RTN1: variants seen among roughly 807,000 people sequenced by gnomAD.
RTN1 encodes reticulon 1.
RTN1 carries 25 observed loss-of-function variants against 65.5 expected under a neutral mutation model. That is an observed-to-expected ratio of 0.38 (90% CI 0.28 to 0.53). The LOEUF is 0.53. Among genes scored for constraint, RTN1 ranks in the 20% least tolerant of loss-of-function variants. The probability of loss-of-function intolerance (pLI) is 0.79; values close to 1 mark genes in which losing one functional copy is unlikely to be tolerated. For missense variants in RTN1, 983 were observed against 1,025.4 expected (o/e 0.96, Z 0.57); for synonymous variants, 471 against 447.6 (o/e 1.05, Z -0.66).
intron 3 of RTN1, among the ~76,000 whole-genome samples, chr14:59,608,858 T>C (rs989215144): frequency 4.6e-5 from 7 of 152,158 alleles, no homozygotes; most frequent in African/African-American, 1.7e-4. Context: ...GATCTTTTTT[T>C]TCTCTTTTGA....
chr14:59,625,462 T>C (rs1430496745), intron 3 of RTN1, among the ~76,000 whole-genome samples: 1 of 152,198 alleles, frequency 6.6e-6, no homozygotes, highest in Non-Finnish European at 1.5e-5. Flanking sequence ...GAAAAGCTCA[T>C]ATAGTAAAGA....
At chr14:59,791,710 C>A (rs1232178763) in intron 1 of RTN1, among the ~76,000 whole-genome samples, 1 of 152,194 alleles carries the variant, frequency 6.6e-6, no homozygotes, top group Non-Finnish European at 1.5e-5. Context: ...ACCTCCATCA[C>A]TCACTCTACT....
intron 3 of RTN1, among the ~76,000 whole-genome samples, chr14:59,680,749 T>C (rs940734228): frequency 1.3e-5 from 2 of 152,134 alleles, no homozygotes; most frequent in African/African-American, 4.8e-5. Context: ...ACAAAGATAC[T>C]CAATGGAGTG....
At chr14:59,640,378 G>A (rs906447040) in intron 3 of RTN1, among the ~76,000 whole-genome samples, 21 of 152,108 alleles carry the variant, frequency 1.4e-4, no homozygotes, top group African/African-American at 4.1e-4. Context: ...GTGCAGTGGC[G>A]TGATCTCAGC....
intron 3 of RTN1, among the ~76,000 whole-genome samples, chr14:59,668,632 A>C (rs61025808): frequency 0.018 from 2,712 of 152,326 alleles, 71 homozygotes; most frequent in African/African-American, 0.061. Flanking sequence ...GAGCTTCTGC[A>C]CGACAAAAGA....
At chr14:59,718,501 T>C (rs1050289224) in intron 3 of RTN1, among the ~76,000 whole-genome samples, 1 of 152,312 alleles carries the variant, frequency 6.6e-6, no homozygotes, top group South Asian at 2.1e-4. Context: ...AATAACCAAC[T>C]TGCTTGACCA....
intron 3 of RTN1, among the ~76,000 whole-genome samples, chr14:59,632,366 G>A (rs1196855794): frequency 6.6e-6 from 1 of 151,956 alleles, no homozygotes; most frequent in African/African-American, 2.4e-5. Flanking sequence ...TGGGAATTCT[G>A]TCAGTTAAAT....
chr14:59,648,141 G>A (rs1294623071), intron 3 of RTN1, among the ~76,000 whole-genome samples: 2 of 152,116 alleles, frequency 1.3e-5, no homozygotes, highest in African/African-American at 4.8e-5. Context: ...AACTATTACA[G>A]ACTATTATGA....
chr14:59,783,483 A>G (rs1042659769), intron 1 of RTN1, among the ~76,000 whole-genome samples: 1 of 152,186 alleles, frequency 6.6e-6, no homozygotes, highest in Non-Finnish European at 1.5e-5. Flanking sequence ...TGGGAGACAG[A>G]AAGAGTAGGT....
rs1005961547 is a variant in RTN1 at position 59,766,966 on chromosome 14, C to T, written c.242-20485G>A. ...ATGTGGTAGGTACTTATTCTAGTTT[C>T]TGGGGATTTAACAATGAATGAAACA... is the stretch of plus-strand genomic sequence containing the variant. On this transcript the variant is annotated intron_variant, in intron 1 of 8. Transcript: ENST00000267484. This position sits in a 1 kb window ranked among gnomAD's most constrained non-coding sequence, Gnocchi z 4.4. Among the ~76,000 whole-genome samples, 14 of 152,158 alleles carry T rather than the reference C, an allele frequency of 9.2e-5. No homozygotes were observed. Among genetic ancestry groups the T allele is most frequent in the African/African-American group, 2.7e-4 (11 of 41,448 alleles).
intron 3 of RTN1, chr14:59,630,759 A>G: frequency 2.8e-6 from 3 of 1,078,724 alleles, no homozygotes; most frequent in Non-Finnish European, 3.4e-6. Flanking sequence ...GCTCCACGCG[A>G]CAGCGTTGGC....
rs906752706 is a variant in RTN1 at position 59,789,798 on chromosome 14, A to G, written c.242-43317T>C. On this transcript the variant is annotated intron_variant, in intron 1 of 8. Coordinates refer to ENST00000267484, the MANE Select transcript of RTN1 (RefSeq NM_021136.3). ...GCTAACAAAACTAGGAACAATCTAA[A>G]TATCTACATATAATGTAATAAAATA... Among the ~76,000 whole-genome samples the G allele has an allele frequency of 9.9e-5, 15 of 152,240 alleles. 1 individual carries two copies. The highest frequency in any genetic ancestry group is 6.5e-4 in the Admixed American group (10 of 15,292).
intron 1 of RTN1, among the ~76,000 whole-genome samples, chr14:59,793,933 A>G (rs1351624775): frequency 6.6e-6 from 1 of 152,144 alleles, no homozygotes; most frequent in Non-Finnish European, 1.5e-5. Context: ...CCTGTAACAC[A>G]TAAGGCCCCA....
At chr14:59,698,159 G>T (rs546723899) in intron 3 of RTN1, among the ~76,000 whole-genome samples, 1 of 152,282 alleles carries the variant, frequency 6.6e-6, no homozygotes. Flanking sequence ...TGGAAAGTCA[G>T]TTTGGAAGGT....
chr14:59,863,611 C>T (rs983669271), intron 1 of RTN1, among the ~76,000 whole-genome samples: 2 of 152,172 alleles, frequency 1.3e-5, no homozygotes, highest in African/African-American at 4.8e-5. Context: ...TGTCAACACT[C>T]ACTCCCTTGG....
chr14:59,751,902 G>T (rs981448567), intron 1 of RTN1, among the ~76,000 whole-genome samples: 1 of 152,102 alleles, frequency 6.6e-6, no homozygotes, highest in Non-Finnish European at 1.5e-5. Flanking sequence ...AATTCCACCT[G>T]GTCACAGCCC....
intron 4 of RTN1, chr14:59,606,127 T>TATATATA (rs1566658130): frequency 1.5e-4 from 7 of 45,344 alleles, no homozygotes; most frequent in African/African-American, 3.2e-4. Context: ...TATATATATA[T>TATATATA]CATACCAGCT....
intron 3 of RTN1, among the ~76,000 whole-genome samples, chr14:59,691,926 G>C (rs1021393080): frequency 6.6e-6 from 1 of 151,932 alleles, no homozygotes; most frequent in Non-Finnish European, 1.5e-5. Flanking sequence ...AAGCATCAAA[G>C]GAACATACCT....
At chr14:59,858,049 C>A (rs1887638915) in intron 1 of RTN1, among the ~76,000 whole-genome samples, 1 of 152,176 alleles carries the variant, frequency 6.6e-6, no homozygotes, top group South Asian at 2.1e-4. Context: ...TACCATCCAT[C>A]CAAGCAACAA....
Sources: gnomAD v4.1 joint callset for allele counts (sites outside exome capture counted in the v4.1 genomes callset) on GRCh38, gnomAD v4.1.1 for gene constraint, Gnocchi (gnomAD v3.1) non-coding constraint, MANE v1.5 for transcripts, NCBI Gene and HGNC (gene_info 2026-07-23, HGNC 2026-07-21) for gene names.